The following CEP290 variants were observed in gnomAD, a reference collection of about 807,000 sequenced individuals.
CEP290 encodes centrosomal protein of 290 kDa.
Under a neutral mutation model 344.9 loss-of-function variants are expected in CEP290, and 317 were observed. The ratio of observed to expected loss-of-function variants is 0.92; its 90% CI spans 0.84 to 1.01. The LOEUF (loss-of-function observed/expected upper bound fraction) is 1.01. Ranked by LOEUF, CEP290 falls within the 50% of genes least tolerant of loss-of-function variation. CEP290 has a pLI of 0.00. For missense variants in CEP290, 2,754 were observed against 2,761.4 expected (o/e 1.00, Z 0.06); for synonymous variants, 932 against 895.8 (o/e 1.04, Z -0.72).
intron 46 of CEP290, 104 bp downstream of exon 46, chr12:88,062,588 G>A (rs2034561643): frequency 5.8e-6 from 4 of 683,808 alleles, no homozygotes; most frequent in Non-Finnish European, 1.0e-5. Flanking sequence ...AAACTACAGG[G>A]CACTTGTAGA....
At chr12:88,133,072 GTTTTTTTT>G (rs778943616) in intron 6 of CEP290, among the ~76,000 whole-genome samples, 2,295 of 129,032 alleles carry the variant, frequency 0.018, 19 homozygotes, top group Admixed American at 0.025. Flanking sequence ...TCTTGTTCCG[GTTTTTTTT>G]TTTTTTTTTT....
chr12:88,114,865 C>A (rs2038943560), intron 19 of CEP290, among the ~76,000 whole-genome samples: 1 of 151,848 alleles, frequency 6.6e-6, no homozygotes, highest in African/African-American at 2.4e-5. Flanking sequence ...GAAGAACACA[C>A]AAGAAAAAGG....
In CEP290 at chr12:88,140,969, T is replaced by A. The variant is rs1350378313; in HGVS notation, c.167A>T (p.Gln56Leu). The stretch of plus-strand genomic sequence containing the variant: ...CTACATACAAACCTTCATTAGTGAC[T>A]GAGTAATTCTGAAAAGGTGTATCAC... ...ENVIHLFRIT[Q>L]SLMKMKAQEV... Residue 56 changes from glutamine (Q) to leucine (L), a missense_variant, in exon 3 of 54, where the codon CAG (glutamine) becomes CTG (leucine). Gln to Leu is a moderately radical substitution (Grantham distance 113). Transcript: ENST00000552810. 10 of 1,588,794 alleles carry A rather than the reference T, an allele frequency of 6.3e-6. No homozygotes were observed. In the Admixed American group the frequency reaches 1.8e-4, roughly 29 times the overall value.
chr12:88,081,562 T>A (rs1331047151), intron 37 of CEP290, among the ~76,000 whole-genome samples: 3 of 152,192 alleles, frequency 2.0e-5, no homozygotes, highest in Admixed American at 1.3e-4. Flanking sequence ...CTTTGAGGCT[T>A]CTTGCTTTTG....
chr12:88,115,153 T>C lies in CEP290; in HGVS notation c.1854A>G (p.Glu618=), dbSNP rs1457478471. 2.0e-6 allele frequency: 3 copies of C among 1,494,602 alleles called. No homozygotes were observed. Among genetic ancestry groups the C allele is most frequent in the Non-Finnish European group, 2.7e-6 (3 of 1,094,474 alleles). The allele number at this position is 1,494,602 out of a possible 1,614,324, so 92.6% of individuals were successfully genotyped here. A position where few individuals can be genotyped will look rare whatever the true frequency, so the allele number is the denominator to read the frequency against. ...TACTCCTTTCTAAATCTCTTTCTTT[T>C]TCAATTAGTTCTCTTGAAAGAAATT... The part of the protein sequence containing the change: ...KNEFLSRELI[E]KERDLERSRT... The change falls in exon 19 of 54, where the codon GAA becomes GAG. Residue 618 remains glutamate, a synonymous_variant. Coordinates refer to ENST00000552810, the MANE Select transcript of CEP290 (RefSeq NM_025114.4).
chr12:88,071,680 T>G (rs2035385963), intron 42 of CEP290, 101 bp downstream of exon 42: 2 of 972,966 alleles, frequency 2.1e-6, no homozygotes, highest in African/African-American at 1.7e-5. Context: ...TCATTTAAAC[T>G]AGACCATTTC....
chr12:88,049,575 C>T, intron 53 of CEP290, 161 bp from the exon 54 acceptor site: 1 of 553,264 alleles, frequency 1.8e-6, no homozygotes. Flanking sequence ...TTCCATTGTA[C>T]AGTGTAAATA....
rs1007902545 is a variant in CEP290 at position 88,093,768 on chromosome 12, A to G, written c.3309+2T>C. 12 of 1,594,284 alleles carry G rather than the reference A, an allele frequency of 7.5e-6. No homozygotes were observed. The highest frequency in any genetic ancestry group is 1.0e-5 in the Non-Finnish European group (12 of 1,167,776). ...TGTATGATAAAACTTATAATATCAA[A>G]CCTCAGCAAATTTGGTTTCCAATTC... On this transcript the variant is annotated splice_donor_variant, in intron 28 of 53. Transcript: ENST00000552810. LOFTEE classifies it high-confidence loss of function.
chr12:88,066,512 G>A (rs2034950462), intron 44 of CEP290, among the ~76,000 whole-genome samples: 2 of 148,968 alleles, frequency 1.3e-5, no homozygotes, highest in South Asian at 4.3e-4. Context: ...GGTCTCTCAA[G>A]GCTGGTCTTT....
chr12:88,106,589 G>GT, intron 25 of CEP290, 86 bp downstream of exon 25: 1 of 766,420 alleles, frequency 1.3e-6, no homozygotes, highest in Non-Finnish European at 2.0e-6. Flanking sequence ...ATTAATTCAG[G>GT]TGATGAGCAT....
intron 50 of CEP290, among the ~76,000 whole-genome samples, chr12:88,054,828 G>A (rs2033869779): frequency 1.3e-5 from 2 of 152,142 alleles, no homozygotes; most frequent in African/African-American, 4.8e-5. Flanking sequence ...TCTCTAAGGA[G>A]CCTCTATTTC....
rs1302941513 is a variant in CEP290, at chr12:88,106,722, T to C, written c.2770A>G (p.Met924Val). The C allele has an allele frequency of 1.3e-5, 21 of 1,611,870 alleles. No individual in the cohort carries two copies. The highest frequency in any genetic ancestry group is 1.7e-5 in the Non-Finnish European group (20 of 1,179,022). The change falls in exon 25 of 54, where the codon ATG (methionine) becomes GTG (valine). Residue 924 changes from methionine to valine, a missense_variant. By Grantham distance (21) the Met-to-Val change is conservative (BLOSUM62 1). Coordinates refer to ENST00000552810, the MANE Select transcript of CEP290 (RefSeq NM_025114.4). The part of the protein sequence containing the change: ...NEKQKNELLS[M>V]EAEVCEKIGC... ...ATTTTTTCACAAACTTCAGCCTCCATTGACAACAATTCATTCTTTTGCTTC... is the reference window on the plus strand; with the variant it reads ...ATTTTTTCACAAACTTCAGCCTCCACTGACAACAATTCATTCTTTTGCTTC...
chr12:88,068,990 T>A (rs989973899), intron 43 of CEP290, among the ~76,000 whole-genome samples: 1 of 152,112 alleles, frequency 6.6e-6, no homozygotes, highest in South Asian at 2.1e-4. Flanking sequence ...TAAAACATTA[T>A]ATAATAACTG....
At chr12:88,105,936 A>C (rs763919127) in intron 25 of CEP290, among the ~76,000 whole-genome samples, 2 of 152,112 alleles carry the variant, frequency 1.3e-5, no homozygotes, top group Non-Finnish European at 2.9e-5. Context: ...CAAAAAAAAA[A>C]ACATTTTTTG....
chr12:88,060,187 G>T (rs541933959), intron 47 of CEP290, among the ~76,000 whole-genome samples, 167 bp from the exon 48 acceptor site: 6 of 152,262 alleles, frequency 3.9e-5, no homozygotes, highest in Admixed American at 3.9e-4. Flanking sequence ...TCCCAACGTT[G>T]GCTACATATT....
At chr12:88,130,796 A>G (rs987175060) in intron 7 of CEP290, among the ~76,000 whole-genome samples, 3 of 152,142 alleles carry the variant, frequency 2.0e-5, no homozygotes, top group African/African-American at 7.2e-5. Flanking sequence ...TATTTGGCTC[A>G]GTAGAACCAA....
At position 88,106,787 on chromosome 12, in the gene CEP290, G is replaced by T; in HGVS notation, c.2705C>A (p.Thr902Asn). The change falls in exon 25 of 54, where the codon ACC becomes AAC. Residue 902 changes from threonine (T) to asparagine (N), a missense_variant. Physicochemically the swap from Thr to Asn is moderately conservative, Grantham distance 65 (BLOSUM62 0). Coordinates refer to ENST00000552810, the MANE Select transcript of CEP290 (RefSeq NM_025114.4). ...AAGTTGTCGCTCCAATTCTACTAAG[G>T]TTGTATATTGCCTTATAAGTGATTT... The part of the protein sequence containing the change: ...NEKSLIRQYT[T>N]LVELERQLRK... 6.2e-7 allele frequency: 1 copy of T among 1,609,434 alleles called. No homozygotes were observed.
intron 32 of CEP290, 138 bp downstream of exon 32, chr12:88,087,642 C>T: frequency 3.2e-6 from 1 of 308,366 alleles, no homozygotes; most frequent in Non-Finnish European, 5.9e-6. Flanking sequence ...ATGGCATGAA[C>T]CCGGGAGGCA....
At chr12:88,068,137 T>C (rs1279105443) in intron 44 of CEP290, among the ~76,000 whole-genome samples, 1 of 152,166 alleles carries the variant, frequency 6.6e-6, no homozygotes, top group Non-Finnish European at 1.5e-5. Context: ...TAATTTTACA[T>C]TAATGATTAA....
Sources: allele counts gnomAD v4.1 joint callset (sites outside exome capture counted in the v4.1 genomes callset), GRCh38; gene constraint gnomAD v4.1.1; transcripts MANE v1.5; gene names NCBI Gene and HGNC (gene_info 2026-07-23, HGNC 2026-07-21).